VSNL1: variants seen among roughly 807,000 people sequenced by gnomAD.
The protein encoded by VSNL1 is visinin-like protein 1.
In VSNL1, 6 loss-of-function variants were observed where a neutral mutation model predicts 20.4. The observed-to-expected ratio is 0.29, with a 90% confidence interval of 0.16 to 0.58. VSNL1 has a LOEUF of 0.58. Among genes scored for constraint, VSNL1 ranks in the 20% least tolerant of loss-of-function variants. The pLI, the probability that VSNL1 is intolerant of heterozygous loss-of-function variation, is 0.90. For missense variants in VSNL1, 100 were observed against 234.5 expected, an observed-to-expected ratio of 0.43 and a Z score of 3.75; for synonymous variants, 93 against 86.4, an observed-to-expected ratio of 1.08 and a Z score of -0.42.
intron 2 of VSNL1, among the ~76,000 whole-genome samples, chr2:17,593,957 C>A (rs1295819435): frequency 6.6e-6 from 1 of 152,224 alleles, no homozygotes; most frequent in African/African-American, 2.4e-5. Context: ...ACTTTCATAT[C>A]ACTAAAGGCC....
At chr2:17,571,869 A>T in intron 1 of VSNL1, among the ~76,000 whole-genome samples, 1 of 152,244 alleles carries the variant, frequency 6.6e-6, no homozygotes, top group East Asian at 1.9e-4. Flanking sequence ...TTGAGCAGTG[A>T]TCTGACTGGC....
At chr2:17,580,505 C>A (rs568864186) in intron 1 of VSNL1, among the ~76,000 whole-genome samples, 50 of 152,346 alleles carry the variant, frequency 3.3e-4, no homozygotes, top group Middle Eastern at 3.4e-3. Context: ...TGGGACCACA[C>A]CTTTCCCTAA....
In VSNL1 at chr2:17,622,594, A is replaced by AAGAAAGAAAGAG. The variant is rs1665410218; in HGVS notation, c.163-26807_163-26806insGAGAGAAAGAAA. Among the ~76,000 whole-genome samples the AAGAAAGAAAGAG allele has an allele frequency of 2.8e-5, 4 of 141,664 alleles. No individual in the cohort carries two copies. In the East Asian group the frequency reaches 8.0e-4, roughly 28 times the overall value. The allele number at this position is 141,664 out of a possible 152,430, so 92.9% of individuals were successfully genotyped here. A position where few individuals can be genotyped will look rare whatever the true frequency, so the allele number is the denominator to read the frequency against. Reference sequence around the variant, plus strand: ...AAAGAAAGAAAGAAAGAAAGAAAGAAAGAAAGAAAAGAAAGAAAGATCTTC... The same window carrying AAGAAAGAAAGAG: ...AAAGAAAGAAAGAAAGAAAGAAAGAAAGAAAGAAAGAGAGAAAGAAAAGAAAGAAAGATCTTC... On this transcript the variant is annotated intron_variant, in intron 2 of 3. Coordinates refer to ENST00000295156, the MANE Select transcript of VSNL1 (RefSeq NM_003385.5).
chr2:17,593,369 A>G lies in VSNL1; in HGVS notation c.162+1133A>G, dbSNP rs549193427. Among the ~76,000 whole-genome samples the G allele has an allele frequency of 2.3e-4, 35 of 152,340 alleles. 2 individuals carry two copies. The South Asian group carries it at 7.0e-3, about 31-fold the overall frequency. On this transcript the variant is annotated intron_variant, in intron 2 of 3. Transcript: ENST00000295156. ...GCAGTCAAAATACTTGAACTGTAAC[A>G]ACACTAAGATATTAAAAAAGCAAGT...
chr2:17,553,215 T>A (rs1483061486), intron 1 of VSNL1, among the ~76,000 whole-genome samples: 5 of 152,318 alleles, frequency 3.3e-5, no homozygotes, highest in Admixed American at 1.3e-4. Context: ...TGTTCCTGGA[T>A]GGATATTTGA....
At chr2:17,641,075 G>A (rs1665872581) in intron 2 of VSNL1, among the ~76,000 whole-genome samples, 1 of 152,210 alleles carries the variant, frequency 6.6e-6, no homozygotes, top group Non-Finnish European at 1.5e-5. Flanking sequence ...CATTCCAGTA[G>A]GGTTCTAATT....
At chr2:17,585,546 G>A (rs890275344) in intron 1 of VSNL1, among the ~76,000 whole-genome samples, 5 of 151,768 alleles carry the variant, frequency 3.3e-5, no homozygotes, top group African/African-American at 1.2e-4. Flanking sequence ...GAGAAACATG[G>A]GTAGTGGCTT....
intron 2 of VSNL1, among the ~76,000 whole-genome samples, chr2:17,622,873 C>A (rs186152638): frequency 6.6e-6 from 1 of 152,342 alleles, no homozygotes; most frequent in South Asian, 2.1e-4. Flanking sequence ...CTGCTGCAAA[C>A]GGCGTGAACT....
In VSNL1 at chr2:17,634,689, T is replaced by G. The variant is rs1161994171; in HGVS notation, c.163-14721T>G. Among the ~76,000 whole-genome samples, 1 of 152,172 alleles carries G rather than the reference T, an allele frequency of 6.6e-6. No individual in the cohort carries two copies. The highest frequency in any genetic ancestry group is 1.5e-5 in the Non-Finnish European group (1 of 68,040). ...AGTAGGGTGAGGAGGAAAACAGGTA[T>G]TTTTGTATGTTCGTTTTTTGTTTTG... On this transcript the variant is annotated intron_variant, in intron 2 of 3. Transcript: ENST00000295156. This position sits in a 1 kb window ranked among gnomAD's most constrained non-coding sequence, Gnocchi z 4.3.
chr2:17,549,196 A>C (rs1418565458), intron 1 of VSNL1, among the ~76,000 whole-genome samples: 5 of 152,218 alleles, frequency 3.3e-5, no homozygotes, highest in Non-Finnish European at 5.9e-5. Flanking sequence ...AAATAACACC[A>C]AATAAATGGC....
intron 2 of VSNL1, among the ~76,000 whole-genome samples, chr2:17,606,369 G>T (rs974904860): frequency 3.3e-5 from 5 of 152,206 alleles, no homozygotes; most frequent in African/African-American, 1.2e-4. Context: ...CAGCTGTTTG[G>T]CTGTAGGCAA....
intron 3 of VSNL1, among the ~76,000 whole-genome samples, chr2:17,651,340 G>C (rs1249749761): frequency 6.6e-6 from 1 of 152,222 alleles, no homozygotes; most frequent in Non-Finnish European, 1.5e-5. Flanking sequence ...TTGGGAGGGT[G>C]ATTTGGGGAG....
At chr2:17,584,691 C>T (rs766291578) in intron 1 of VSNL1, among the ~76,000 whole-genome samples, 1 of 152,136 alleles carries the variant, frequency 6.6e-6, no homozygotes, top group Non-Finnish European at 1.5e-5. Flanking sequence ...GGAGTCCACT[C>T]GTCACACCCT....
chr2:17,563,696 C>G (rs1475585048), intron 1 of VSNL1, among the ~76,000 whole-genome samples: 1 of 151,988 alleles, frequency 6.6e-6, no homozygotes, highest in Non-Finnish European at 1.5e-5. Flanking sequence ...CACCACTGCA[C>G]TCCAGCCTGG....
chr2:17,540,246 C>A (rs1189872705), upstream of VSNL1: 1 of 152,374 alleles, frequency 6.6e-6, no homozygotes, highest in Non-Finnish European at 1.5e-5. Flanking sequence ...TTCTCCTTCA[C>A]CTTACAGCCT....
At chr2:17,569,880 C>T (rs558506139) in intron 1 of VSNL1, among the ~76,000 whole-genome samples, 13 of 152,216 alleles carry the variant, frequency 8.5e-5, no homozygotes, top group South Asian at 6.2e-4. Flanking sequence ...ATAATAGTTC[C>T]GTGATGTTTC....
chr2:17,631,170 T>C (rs1487508465), intron 2 of VSNL1, among the ~76,000 whole-genome samples: 1 of 151,830 alleles, frequency 6.6e-6, no homozygotes, highest in Non-Finnish European at 1.5e-5. Flanking sequence ...AAATTAAATG[T>C]GAATATTCAA....
chr2:17,622,660 A>G (rs1365681695), intron 2 of VSNL1, among the ~76,000 whole-genome samples: 1 of 152,222 alleles, frequency 6.6e-6, no homozygotes, highest in Non-Finnish European at 1.5e-5. Context: ...TCCTTAGCTC[A>G]GCTAAAACCA....
At chr2:17,608,982 A>G (rs1007122754) in intron 2 of VSNL1, among the ~76,000 whole-genome samples, 2 of 152,146 alleles carry the variant, frequency 1.3e-5, no homozygotes, top group Non-Finnish European at 1.5e-5. Flanking sequence ...CTGATTTTCT[A>G]CATACATACA....
Sources: gnomAD v4.1 joint callset for allele counts (sites outside exome capture counted in the v4.1 genomes callset) on GRCh38, gnomAD v4.1.1 for gene constraint, Gnocchi (gnomAD v3.1) non-coding constraint, MANE v1.5 for transcripts, NCBI Gene and HGNC (gene_info 2026-07-23, HGNC 2026-07-21) for gene names.